The following DNAH2 variants were observed in gnomAD, a reference collection of about 807,000 sequenced individuals.
DNAH2 encodes the protein axonemal beta dynein heavy chain 2.
A neutral mutation model predicts 523.5 loss-of-function variants in DNAH2; 323 were observed. That is an observed-to-expected ratio of 0.62 (90% CI 0.56 to 0.68). The LOEUF (loss-of-function observed/expected upper bound fraction) is 0.68. Among genes scored for constraint, DNAH2 ranks in the 30% least tolerant of loss-of-function variants. DNAH2 has a pLI of 0.00. For synonymous variants in DNAH2, 2,093 were observed against 2,177.4 expected, an observed-to-expected ratio of 0.96 and a Z score of 1.08; for missense variants, 4,907 against 5,701.5, an observed-to-expected ratio of 0.86 and a Z score of 4.49.
chr17:7,737,152 A>G lies in DNAH2; in HGVS notation c.1064A>G (p.Lys355Arg), dbSNP rs1448603435. The G allele has an allele frequency of 1.9e-6, 3 of 1,614,034 alleles. No homozygotes were observed. The highest frequency in any genetic ancestry group is 2.5e-6 in the Non-Finnish European group (3 of 1,180,040). ...PYQELAFMKP[K>R]DISSKLPKLI... is the part of the protein sequence containing the mutation. ...CAGGAGTTGGCTTTCATGAAGCCCA[A>G]GGACATCTCTAGCAAGCTCCCTAAG... Residue 355 changes from lysine to arginine, a missense_variant, in exon 8 of 86, where the codon AAG becomes AGG. Around this residue, in one of 3 missense-constraint regions of DNAH2, gnomAD observed 2,806 missense variants for 3,190.8 expected, o/e 0.88. Coordinates refer to ENST00000572933, the MANE Select transcript of DNAH2 (RefSeq NM_020877.5).
intron 27 of DNAH2, 81 bp from the exon 28 acceptor site, chr17:7,771,249 C>T: frequency 6.3e-7 from 1 of 1,579,012 alleles, no homozygotes; most frequent in South Asian, 1.2e-5. Flanking sequence ...ACCCAACTGT[C>T]ACCCACAATC....
At chr17:7,830,589 T>A (rs2078143367) in intron 78 of DNAH2, 69 bp from the exon 79 acceptor site, 1 of 1,608,552 alleles carries the variant, frequency 6.2e-7, no homozygotes, top group Admixed American at 1.7e-5. Context: ...AAAGCCTGTG[T>A]TGAAGCCCCA....
At chr17:7,819,632 C>T (rs1389967363) in intron 72 of DNAH2, among the ~76,000 whole-genome samples, 1 of 152,226 alleles carries the variant, frequency 6.6e-6, no homozygotes, top group African/African-American at 2.4e-5. Flanking sequence ...GACTTGTCTA[C>T]ACAACTGTTG....
In DNAH2 at chr17:7,799,184, C is replaced by T. The variant is rs773830086; in HGVS notation, c.8641C>T (p.Arg2881Cys). ...CAGCCTCTTCGCCTACCTCATTGAA[C>T]GCGTGCAGAACAACCTGCACATCGT... ...SDSLFAYLIE[R>C]VQNNLHIVLC... The change falls in exon 56 of 86, where the codon CGC (arginine) becomes TGC (cysteine). Residue 2881 changes from arginine (R) to cysteine (C), a missense_variant. Coordinates refer to ENST00000572933, the MANE Select transcript of DNAH2 (RefSeq NM_020877.5). The T allele has an allele frequency of 2.0e-5, 32 of 1,614,130 alleles. No individual in the cohort carries two copies. Among genetic ancestry groups the T allele is most frequent in the Admixed American group, 6.7e-5 (4 of 60,006 alleles).
chr17:7,817,635 G>C lies in DNAH2; in HGVS notation c.10095G>C (p.Arg3365=). ...DNFLCNPTKV[R]DWNIQGLPSD... ...TCCTGTGCAATCCTACCAAAGTCCG[G>C]GACTGGAACATCCAAGGGTTGCCCT... The change falls in exon 66 of 86, where the codon CGG becomes CGC. Residue 3365 remains arginine (R), a synonymous_variant. Coordinates refer to ENST00000572933, the MANE Select transcript of DNAH2 (RefSeq NM_020877.5). The C allele has an allele frequency of 6.2e-7, 1 of 1,614,098 alleles. No homozygotes were observed. The highest frequency in any genetic ancestry group is 8.5e-7 in the Non-Finnish European group (1 of 1,180,028).
intron 12 of DNAH2, chr17:7,743,490 A>C: frequency 1.6e-6 from 1 of 637,978 alleles, no homozygotes; most frequent in Non-Finnish European, 2.8e-6. Flanking sequence ...ACATGGCAAA[A>C]CCCAGTCTCT....
In DNAH2 at chr17:7,823,815, T is replaced by A; in HGVS notation, c.11330-19T>A. The stretch of plus-strand genomic sequence containing the variant: ...CCAGACTCACTCCCTCTCCCTGCAA[T>A]GACTCACCTCATCCCCAGGTGAGTG... On this transcript the variant is annotated intron_variant, in intron 74 of 85. Coordinates refer to ENST00000572933, the MANE Select transcript of DNAH2 (RefSeq NM_020877.5). 6.2e-7 allele frequency: 1 copy of A among 1,612,648 alleles called. No homozygotes were observed. Among genetic ancestry groups the A allele is most frequent in the Non-Finnish European group, 8.5e-7 (1 of 1,178,954 alleles).
intron 18 of DNAH2, 30 bp from the exon 19 acceptor site, chr17:7,763,801 C>T (rs939911958): frequency 1.9e-6 from 3 of 1,612,750 alleles, no homozygotes; most frequent in African/African-American, 2.7e-5. Flanking sequence ...AAGAAAACAA[C>T]ATCCTAGCTG....
At chr17:7,746,412 T>C (rs1479161483) in intron 12 of DNAH2, among the ~76,000 whole-genome samples, 1 of 152,214 alleles carries the variant, frequency 6.6e-6, no homozygotes, top group Non-Finnish European at 1.5e-5. Flanking sequence ...ACTATACATA[T>C]TGTTCTATAT....
At chr17:7,802,066 C>T in intron 58 of DNAH2, 49 bp downstream of exon 58, 2 of 1,607,830 alleles carry the variant, frequency 1.2e-6, no homozygotes, top group Non-Finnish European at 1.7e-6. Flanking sequence ...CTGGTGTCTT[C>T]TGAGGGCGAT....
chr17:7,723,813 G>C (rs2074709395), intron 3 of DNAH2, 124 bp downstream of exon 3: 1 of 852,756 alleles, frequency 1.2e-6, no homozygotes, highest in African/African-American at 1.7e-5. Context: ...GCTCTCTGCT[G>C]TTAGCCTACT....
At chr17:7,824,764 T>A in intron 77 of DNAH2, 37 bp downstream of exon 77, 1 of 1,441,524 alleles carries the variant, frequency 6.9e-7, no homozygotes, top group African/African-American at 1.4e-5. Context: ...ATCAGGGCCA[T>A]CTGGTCCACC....
intron 14 of DNAH2, 74 bp from the exon 15 acceptor site, chr17:7,758,811 A>G (rs1394933163): frequency 6.3e-7 from 1 of 1,588,958 alleles, no homozygotes; most frequent in Non-Finnish European, 8.6e-7. Flanking sequence ...CTGGAGAACA[A>G]GTGGGAGGGT....
Position 7,817,270 on chromosome 17 carries a change from C to T in DNAH2, c.9895-20C>T. 6.3e-7 allele frequency: 1 copy of T among 1,583,160 alleles called. No individual in the cohort carries two copies. The highest frequency in any genetic ancestry group is 1.2e-5 in the South Asian group (1 of 85,912). On this transcript the variant is annotated intron_variant, in intron 64 of 85. Transcript: ENST00000572933. Reference sequence around the variant, plus strand: ...GAGTGCTGGGGCCCAGGCAGGCTTACCCTCCCTCCTGTCCGCCAGGGCCTG... The same window carrying T: ...GAGTGCTGGGGCCCAGGCAGGCTTATCCTCCCTCCTGTCCGCCAGGGCCTG...
chr17:7,737,074 C>T lies in DNAH2; in HGVS notation c.986C>T (p.Ser329Phe), dbSNP rs1175484208. The T allele has an allele frequency of 3.1e-6, 5 of 1,613,008 alleles. No homozygotes were observed. In the African/African-American group the frequency reaches 6.7e-5, roughly 22 times the overall value. The change falls in exon 8 of 86, where the codon TCT becomes TTT. Residue 329 changes from serine (S) to phenylalanine (F), a missense_variant. By Grantham distance (155) the Ser-to-Phe change is radical. Coordinates refer to ENST00000572933, the MANE Select transcript of DNAH2 (RefSeq NM_020877.5). ...MKLAQQIQDG[S>F]RQAQSNLTFL... ...ATCTCTCTTTACTGCCAGGATGGCT[C>T]TCGTCAAGCACAGTCAAACCTGACC...
rs143114424 is a variant in DNAH2 at position 7,756,338 on chromosome 17, C to T, written c.1905-753C>T. ...TCACCCAGGCTGGAGGGCAGTGGTG[C>T]GATCTTGGCTCACTGCAACCTCCAC... On this transcript the variant is annotated intron_variant, in intron 12 of 85. Coordinates refer to ENST00000572933, the MANE Select transcript of DNAH2 (RefSeq NM_020877.5). Among the ~76,000 whole-genome samples, 1,120 of 152,040 alleles carry T rather than the reference C, an allele frequency of 7.4e-3. 21 individuals are homozygous for T. Among genetic ancestry groups the T allele is most frequent in the African/African-American group, 0.025 (1,049 of 41,504 alleles).
At chr17:7,758,124 C>T (rs2075895836) in intron 13 of DNAH2, among the ~76,000 whole-genome samples, 1 of 152,202 alleles carries the variant, frequency 6.6e-6, no homozygotes, top group African/African-American at 2.4e-5. Flanking sequence ...CCTCCAGCTG[C>T]ATGTGGCTAT....
At chr17:7,806,658 CAAAAAA>C (rs66460228) in intron 61 of DNAH2, among the ~76,000 whole-genome samples, 2 of 60,568 alleles carry the variant, frequency 3.3e-5, no homozygotes, top group African/African-American at 1.3e-4. Context: ...CACTCCATCT[CAAAAAA>C]AAAAAAAAAA....
intron 63 of DNAH2, among the ~76,000 whole-genome samples, chr17:7,813,451 G>C (rs762781095): frequency 6.6e-6 from 1 of 151,998 alleles, no homozygotes; most frequent in Non-Finnish European, 1.5e-5. Context: ...ACACAAATGT[G>C]TATCCGTAGG....
Sources: allele counts gnomAD v4.1 joint callset (sites outside exome capture counted in the v4.1 genomes callset), GRCh38; gene constraint gnomAD v4.1.1; regional missense constraint gnomAD v4.1.1; transcripts MANE v1.5; gene names NCBI Gene and HGNC (gene_info 2026-07-23, HGNC 2026-07-21).